Variants in CAMTA1 observed in about 807,000 individuals in gnomAD.
CAMTA1 encodes calmodulin-binding transcription activator 1.
Under a neutral mutation model 170.9 loss-of-function variants are expected in CAMTA1, and 27 were observed. The observed-to-expected ratio is 0.16, with a 90% CI of 0.12 to 0.22. The LOEUF (loss-of-function observed/expected upper bound fraction) is 0.22, where lower values mean the gene tolerates loss of function less well. Among genes scored for constraint, CAMTA1 ranks in the 10% least tolerant of loss-of-function variants. CAMTA1 has a pLI of 1.00. For missense variants in CAMTA1, 1,619 were observed against 2,217.2 expected (o/e 0.73, Z 5.42); for synonymous variants, 833 against 891.5 (o/e 0.93, Z 1.17).
chr1:6,989,265 A>G (rs981459132), intron 3 of CAMTA1, among the ~76,000 whole-genome samples: 1 of 152,230 alleles, frequency 6.6e-6, no homozygotes, highest in African/African-American at 2.4e-5. Context: ...AAGTATCCCA[A>G]CCTGTTCCAT....
intron 5 of CAMTA1, among the ~76,000 whole-genome samples, chr1:7,311,921 G>A (rs1386685388): frequency 6.6e-6 from 1 of 152,282 alleles, no homozygotes; most frequent in East Asian, 1.9e-4. Flanking sequence ...AGTTCTCAAA[G>A]TCTTTGGCAT....
intron 5 of CAMTA1, among the ~76,000 whole-genome samples, chr1:7,276,303 A>ATTTTTTTTT (rs1180773965): frequency 6.2e-4 from 15 of 24,228 alleles, no homozygotes; most frequent in South Asian, 2.4e-3. Flanking sequence ...ATATATATAT[A>ATTTTTTTTT]TTTTTTTTTT....
intron 6 of CAMTA1, among the ~76,000 whole-genome samples, chr1:7,623,409 G>A (rs529518501): frequency 3.7e-4 from 56 of 152,310 alleles, no homozygotes; most frequent in Non-Finnish European, 7.2e-4. Context: ...GCAGGAGAGT[G>A]GGTGAGCTGG....
At chr1:7,659,358 A>G (rs1392588911) in intron 7 of CAMTA1, among the ~76,000 whole-genome samples, 1 of 152,052 alleles carries the variant, frequency 6.6e-6, no homozygotes, top group Non-Finnish European at 1.5e-5. Flanking sequence ...ATATGGTGAA[A>G]CCCCATCTCT....
intron 6 of CAMTA1, among the ~76,000 whole-genome samples, chr1:7,514,578 A>G (rs2094253201): frequency 6.6e-6 from 1 of 152,180 alleles, no homozygotes; most frequent in African/African-American, 2.4e-5. Context: ...GAAAAGAGAG[A>G]TCCTTTTGCA....
chr1:6,932,310 G>A (rs114277893), intron 3 of CAMTA1, among the ~76,000 whole-genome samples: 3,155 of 152,212 alleles, frequency 0.021, 108 homozygotes, highest in African/African-American at 0.071. Flanking sequence ...GCTCCTTTCA[G>A]CATAATTATT....
chr1:6,912,212 C>T (rs1679860875), intron 3 of CAMTA1, among the ~76,000 whole-genome samples: 2 of 152,160 alleles, frequency 1.3e-5, no homozygotes, highest in South Asian at 4.1e-4. Flanking sequence ...AGGAGCCTCC[C>T]CAGGAAGTCT....
intron 1 of CAMTA1, among the ~76,000 whole-genome samples, chr1:6,792,698 A>G (rs566022084): frequency 6.6e-6 from 1 of 152,006 alleles, no homozygotes; most frequent in South Asian, 2.1e-4. Context: ...CTATCCTGAC[A>G]TGGTTGCTTG....
At chr1:7,189,975 C>A (rs567841022) in intron 4 of CAMTA1, among the ~76,000 whole-genome samples, 1 of 152,304 alleles carries the variant, frequency 6.6e-6, no homozygotes, top group East Asian at 1.9e-4. Context: ...GAATTAATGG[C>A]ATTTGCAGTA....
chr1:7,393,447 T>A (rs1006292361), intron 5 of CAMTA1, among the ~76,000 whole-genome samples: 1 of 152,128 alleles, frequency 6.6e-6, no homozygotes, highest in Non-Finnish European at 1.5e-5. Flanking sequence ...TTATTTATTT[T>A]TTCTTTTTTT....
At chr1:7,367,717 A>G (rs547222110) in intron 5 of CAMTA1, among the ~76,000 whole-genome samples, 19 of 152,358 alleles carry the variant, frequency 1.2e-4, no homozygotes, top group Admixed American at 2.6e-4. Flanking sequence ...GATGTCATTC[A>G]CTGAGTGCTC....
At chr1:7,712,845 G>A (rs949514271) in intron 11 of CAMTA1, among the ~76,000 whole-genome samples, 12 of 8,464 alleles carry the variant, frequency 1.4e-3, no homozygotes, top group East Asian at 0.12. Context: ...GCAAAGGCAC[G>A]TCTTAACATG....
chr1:6,882,985 T>C (rs1571338265), intron 3 of CAMTA1, among the ~76,000 whole-genome samples: 1 of 152,132 alleles, frequency 6.6e-6, no homozygotes, highest in East Asian at 1.9e-4. Flanking sequence ...CCATTTCCAC[T>C]TCCCGGGTTC....
intron 6 of CAMTA1, among the ~76,000 whole-genome samples, chr1:7,606,342 TTTA>T: frequency 6.6e-6 from 1 of 152,166 alleles, no homozygotes; most frequent in Non-Finnish European, 1.5e-5. Flanking sequence ...AAGTGGTTCA[TTTA>T]AGATGGCACT....
chr1:7,728,226 T>G (rs2096705633), intron 11 of CAMTA1, among the ~76,000 whole-genome samples: 1 of 152,230 alleles, frequency 6.6e-6, no homozygotes, highest in African/African-American at 2.4e-5. Context: ...GGTGACGCCG[T>G]GGGCAGGGCC....
chr1:7,612,583 G>C (rs1275018328), intron 6 of CAMTA1, among the ~76,000 whole-genome samples: 6 of 152,168 alleles, frequency 3.9e-5, no homozygotes, highest in Non-Finnish European at 7.3e-5. Flanking sequence ...GCCTTTGCTG[G>C]GGAACTGCCC....
intron 4 of CAMTA1, among the ~76,000 whole-genome samples, chr1:7,104,113 TACACACAACACACATAACTACACAC>T (rs1643277251): frequency 1.8e-5 from 1 of 54,604 alleles, no homozygotes; most frequent in Non-Finnish European, 4.2e-5. Flanking sequence ...TACACACATG[TACACACAACACACATAACTACACAC>T]GTACACACAA....
At chr1:7,627,685 C>T (rs2095642566) in intron 6 of CAMTA1, among the ~76,000 whole-genome samples, 1 of 152,246 alleles carries the variant, frequency 6.6e-6, no homozygotes, top group Non-Finnish European at 1.5e-5. Context: ...CACTCTGCTT[C>T]CTCAGCATCA....
intron 6 of CAMTA1, among the ~76,000 whole-genome samples, chr1:7,621,874 T>A (rs896658945): frequency 6.6e-6 from 1 of 152,196 alleles, no homozygotes; most frequent in African/African-American, 2.4e-5. Context: ...TGGCACCAGC[T>A]CAGCTCGGCC....
Sources: allele counts gnomAD v4.1 joint callset (sites outside exome capture counted in the v4.1 genomes callset), GRCh38; gene constraint gnomAD v4.1.1; transcripts MANE v1.5; gene names NCBI Gene and HGNC (gene_info 2026-07-23, HGNC 2026-07-21).